The following GPATCH1 variants were observed in gnomAD, a reference collection of about 807,000 sequenced individuals.
GPATCH1 encodes G-patch domain containing 1.
GPATCH1 carries 73 observed loss-of-function variants against 114.9 expected under a neutral mutation model. The observed-to-expected ratio is 0.64, with a 90% confidence interval of 0.53 to 0.77. GPATCH1 has a LOEUF of 0.77. GPATCH1 is among the 30% of genes least tolerant of loss of function. The pLI is 0.00. For missense variants in GPATCH1, 1,058 were observed against 1,144.3 expected (o/e 0.92, Z 1.09); for synonymous variants, 391 against 428.4 (o/e 0.91, Z 1.08).
chr19:33,111,955 C>T, intron 12 of GPATCH1, 53 bp downstream of exon 12: 1 of 1,380,502 alleles, frequency 7.2e-7, no homozygotes, highest in Admixed American at 1.8e-5. Context: ...AAAGCACTGC[C>T]TAGCCAAAAT....
chr19:33,118,853 C>T (rs200743134), intron 16 of GPATCH1, among the ~76,000 whole-genome samples, 157 bp from the exon 17 acceptor site: 153 of 152,352 alleles, frequency 1.0e-3, no homozygotes, highest in Non-Finnish European at 1.8e-3. Context: ...AAGGGCAGCA[C>T]CGGGGTCTGC....
At chr19:33,113,592 C>T (rs1321720513) in intron 13 of GPATCH1, 175 bp from the exon 14 acceptor site, 1 of 558,960 alleles carries the variant, frequency 1.8e-6, no homozygotes, top group African/African-American at 1.9e-5. Context: ...TAAGGAAAAT[C>T]TCATGGGACC....
intron 3 of GPATCH1, among the ~76,000 whole-genome samples, chr19:33,093,094 A>G (rs1195153904): frequency 6.6e-6 from 1 of 152,164 alleles, no homozygotes; most frequent in African/African-American, 2.4e-5. Flanking sequence ...AGGCTGAGGC[A>G]GGAGAATCAC....
At chr19:33,128,645 C>T (rs968666929) in intron 19 of GPATCH1, among the ~76,000 whole-genome samples, 4 of 152,228 alleles carry the variant, frequency 2.6e-5, no homozygotes, top group Non-Finnish European at 5.9e-5. Flanking sequence ...CCTCCTGCCT[C>T]AGCCTCAGGC....
Position 33,109,999 on chromosome 19 carries a change from T to G in GPATCH1, c.1568T>G (p.Met523Arg), listed in dbSNP as rs1972833547. 1 of 1,608,750 alleles carries G rather than the reference T, an allele frequency of 6.2e-7. No individual in the cohort carries two copies. The highest frequency in any genetic ancestry group is 1.3e-5 in the African/African-American group (1 of 74,828). The change falls in exon 11 of 20, where the codon ATG becomes AGG. Residue 523 changes from methionine to arginine, a missense_variant. Physicochemically the swap from Met to Arg is moderately conservative, Grantham distance 91. This residue lies in a region of GPATCH1 where 893 missense variants were observed against 977.4 expected (regional missense o/e 0.91). Transcript: ENST00000170564. Reference protein sequence around the residue: ...QKRYDEFLVHMKQGQKDALER... With the variant: ...QKRYDEFLVHRKQGQKDALER... ...CGATACGACGAGTTCTTAGTACACA[T>G]GAAACAGGGTCAGAAAGGTGGGTGC...
rs1972792419 is a variant in GPATCH1, at chr19:33,106,954, C to T, written c.1285+55C>T. The T allele has an allele frequency of 5.6e-6, 8 of 1,421,904 alleles. No individual in the cohort carries two copies. In the South Asian group the frequency reaches 9.7e-5, roughly 17 times the overall value. The allele number at this position is 1,421,904 out of a possible 1,614,324, so 88.1% of individuals were successfully genotyped here. A position where few individuals can be genotyped will look rare whatever the true frequency, so the allele number is the denominator to read the frequency against. The stretch of plus-strand genomic sequence containing the variant: ...TTCACATAATTCGAGTTATCAAAAT[C>T]AAAATGGAAAGTTGTTGTTTTCCCA... On this transcript the variant is annotated intron_variant, in intron 10 of 19. Coordinates refer to ENST00000170564, the MANE Select transcript of GPATCH1 (RefSeq NM_018025.3).
intron 10 of GPATCH1, 118 bp from the exon 11 acceptor site, chr19:33,109,599 C>T (rs1412145020): frequency 1.6e-6 from 1 of 612,544 alleles, no homozygotes; most frequent in Non-Finnish European, 2.8e-6. Flanking sequence ...AAACACTAAA[C>T]ATAAAATCCT....
chr19:33,122,210 G>A (rs187088428), intron 17 of GPATCH1, among the ~76,000 whole-genome samples: 14 of 152,088 alleles, frequency 9.2e-5, no homozygotes, highest in African/African-American at 2.9e-4. Context: ...GTTTTACCAT[G>A]TTGGTCAGGC....
At position 33,097,743 on chromosome 19, in the gene GPATCH1, G is replaced by GT; in HGVS notation, c.853-5dup. ...ACACCTGTGCTCAGTTTGAAACCTT[G>GT]TTTTTTTAAAGGCTTTTGGTGTAGG... On this transcript the variant is annotated splice_polypyrimidine_tract_variant and intron_variant, in intron 7 of 19. Transcript: ENST00000170564. The GT allele has an allele frequency of 3.1e-6, 5 of 1,613,220 alleles. No individual in the cohort carries two copies. Among genetic ancestry groups the GT allele is most frequent in the South Asian group, 1.1e-5 (1 of 91,054 alleles).
intron 11 of GPATCH1, 121 bp downstream of exon 11, chr19:33,110,137 C>A: frequency 1.2e-6 from 1 of 864,744 alleles, no homozygotes; most frequent in Non-Finnish European, 1.8e-6. Context: ...TTTGCTTTAT[C>A]CTGCTGCAAA....
At position 33,119,697 on chromosome 19, in the gene GPATCH1, CA is replaced by C. The variant is rs34270215; in HGVS notation, c.2521+594del. Among the ~76,000 whole-genome samples the C allele has an allele frequency of 4.1e-3, 531 of 128,562 alleles. 4 individuals carry two copies. The highest frequency in any genetic ancestry group is 0.011 in the African/African-American group (407 of 35,564). The allele number at this position is 128,562 out of a possible 152,430, so 84.3% of individuals were successfully genotyped here. A position where few individuals can be genotyped will look rare whatever the true frequency, so the allele number is the denominator to read the frequency against. ...CAGGTGACTGAGTGAGACTCTGCCT[CA>C]AAAAAAAAAAAAAGGGGCTGCAGCC... On this transcript the variant is annotated intron_variant, in intron 17 of 19. Transcript: ENST00000170564.
chr19:33,101,454 C>A (rs372266649), intron 8 of GPATCH1, 41 bp from the exon 9 acceptor site: 2 of 1,072,928 alleles, frequency 1.9e-6, no homozygotes, highest in Non-Finnish European at 2.9e-6. Context: ...TTATTCTAAT[C>A]ATCTCTACTT....
rs74393496 is a variant in GPATCH1 at position 33,107,535 on chromosome 19, T to C, written c.1285+636T>C. ...CCTCCTGGGGATCGCATTGTGTAACTCTTCTCCCGAAAGTCTGAAAGGGAT... is the reference window on the plus strand; with the variant it reads ...CCTCCTGGGGATCGCATTGTGTAACCCTTCTCCCGAAAGTCTGAAAGGGAT... On this transcript the variant is annotated intron_variant, in intron 10 of 19. Transcript: ENST00000170564. Among the ~76,000 whole-genome samples the C allele has an allele frequency of 3.6e-4, 55 of 152,304 alleles. 2 individuals are homozygous for C. The East Asian group carries it at 8.1e-3, about 22-fold the overall frequency.
chr19:33,109,921 C>T lies in GPATCH1; in HGVS notation c.1490C>T (p.Thr497Ile). The change falls in exon 11 of 20, where the codon ACC becomes ATC. Residue 497 changes from threonine (T) to isoleucine (I), a missense_variant. Thr to Ile is a moderately conservative substitution (Grantham distance 89). This residue lies in a region of GPATCH1 where 893 missense variants were observed against 977.4 expected (regional missense o/e 0.91). Coordinates refer to ENST00000170564, the MANE Select transcript of GPATCH1 (RefSeq NM_018025.3). ...WNMALGGGTA[T>I]LKASNFKPFA... ...ATGGCATTAGGTGGTGGGACGGCCA[C>T]CTTAAAAGCCAGCAACTTCAAGCCT... 1 of 1,614,180 alleles carries T rather than the reference C, an allele frequency of 6.2e-7. No homozygotes were observed. The highest frequency in any genetic ancestry group is 8.5e-7 in the Non-Finnish European group (1 of 1,180,038).
intron 9 of GPATCH1, among the ~76,000 whole-genome samples, chr19:33,103,149 T>C (rs1388002750): frequency 6.6e-6 from 1 of 152,230 alleles, no homozygotes. Flanking sequence ...ATTCCTGTTT[T>C]AGATTGTTTC....
Position 33,117,819 on chromosome 19 carries a change from A to T in GPATCH1, c.2197-6A>T. ...ATCCCTGACTCTTATTTCACTGTCA[A>T]TACAGACCGTCAACAAAGATGTGGA... is the stretch of plus-strand genomic sequence containing the variant. On this transcript the variant is annotated splice_region_variant and splice_polypyrimidine_tract_variant and intron_variant, in intron 15 of 19. Coordinates refer to ENST00000170564, the MANE Select transcript of GPATCH1 (RefSeq NM_018025.3). The T allele has an allele frequency of 6.2e-7, 1 of 1,606,620 alleles. No individual in the cohort carries two copies. The highest frequency in any genetic ancestry group is 1.1e-5 in the South Asian group (1 of 90,862).
chr19:33,081,244 C>T lies in GPATCH1; in HGVS notation c.51C>T (p.Thr17=), dbSNP rs1972472312. Residue 17 remains threonine (T), a synonymous_variant, in exon 1 of 20, where the codon ACC becomes ACT. Transcript: ENST00000170564. ...DSEEDLVSYG[T]GLEPLEEGER... ...AAGAAGATCTGGTCAGCTATGGGAC[C>T]GGGCTGGAGCCTCTGGAAGAAGGTG... The T allele has an allele frequency of 1.3e-6, 2 of 1,551,504 alleles. No homozygotes were observed. Among genetic ancestry groups the T allele is most frequent in the South Asian group, 1.2e-5 (1 of 84,054 alleles).
intron 17 of GPATCH1, 26 bp downstream of exon 17, chr19:33,119,143 C>T: frequency 7.4e-7 from 1 of 1,351,484 alleles, no homozygotes; most frequent in Non-Finnish European, 1.0e-6. Flanking sequence ...TTTGGTTCGC[C>T]CATTTTTATC....
chr19:33,114,272 A>G lies in GPATCH1; in HGVS notation c.2049A>G (p.Arg683=). Residue 683 remains arginine (R), a synonymous_variant, in exon 15 of 20, where the codon AGA becomes AGG. Coordinates refer to ENST00000170564, the MANE Select transcript of GPATCH1 (RefSeq NM_018025.3). ...TTTCAGAATCAAGAAAACCATCCAGATGGGATACCTCTAAACACGAAAAGA... is the reference window on the plus strand; with the variant it reads ...TTTCAGAATCAAGAAAACCATCCAGGTGGGATACCTCTAAACACGAAAAGA... ...RGPDKSRKPS[R]WDTSKHEKKE... 5 of 1,611,318 alleles carry G rather than the reference A, an allele frequency of 3.1e-6. No individual in the cohort carries two copies. Among genetic ancestry groups the G allele is most frequent in the Non-Finnish European group, 4.2e-6 (5 of 1,179,220 alleles).
Sources: allele counts gnomAD v4.1 joint callset (sites outside exome capture counted in the v4.1 genomes callset), GRCh38; gene constraint gnomAD v4.1.1; regional missense constraint gnomAD v4.1.1; transcripts MANE v1.5; gene names NCBI Gene and HGNC (gene_info 2026-07-23, HGNC 2026-07-21).